The following NFE2L3 variants were observed in gnomAD, a reference collection of about 807,000 sequenced individuals.
The protein encoded by NFE2L3 is nuclear factor erythroid 2-related factor 3.
A neutral mutation model predicts 23.5 loss-of-function variants in NFE2L3; 18 were observed. The observed-to-expected ratio is 0.77, with a 90% confidence interval of 0.53 to 1.13. The LOEUF (loss-of-function observed/expected upper bound fraction) is 1.13. NFE2L3 is among the 50% of genes most tolerant of loss of function. The probability of loss-of-function intolerance (pLI) is 0.00; values close to 1 mark genes in which losing one functional copy is unlikely to be tolerated. For synonymous variants in NFE2L3, 424 were observed against 354.5 expected (o/e 1.20, Z -2.20); for missense variants, 1,152 against 877.2 (o/e 1.31, Z -3.96).
rs540866588 is a variant in NFE2L3, at chr7:26,170,399, C to G, written c.571-7544C>G. Among the ~76,000 whole-genome samples the G allele has an allele frequency of 4.6e-5, 7 of 152,260 alleles. No individual in the cohort carries two copies. In the South Asian group the frequency reaches 1.5e-3, roughly 32 times the overall value. ...CCTACTATCTTCATATTCACCCCCT[C>G]GTTTCCTATGTACGCTGATACCTGC... On this transcript the variant is annotated intron_variant, in intron 1 of 3. Coordinates refer to ENST00000056233, the MANE Select transcript of NFE2L3 (RefSeq NM_004289.7).
chr7:26,178,639 C>T (rs1358078742), intron 2 of NFE2L3, among the ~76,000 whole-genome samples: 1 of 152,186 alleles, frequency 6.6e-6, no homozygotes, highest in Non-Finnish European at 1.5e-5. Flanking sequence ...CATTGCCTAA[C>T]CTTACTCTTT....
Position 26,152,781 on chromosome 7 carries a change from G to T in NFE2L3, c.283G>T (p.Val95Leu), listed in dbSNP as rs569755743. The change falls in exon 1 of 4, where the codon GTG becomes TTG. Residue 95 changes from valine to leucine, a missense_variant. By Grantham distance (32) the Val-to-Leu change is conservative (BLOSUM62 1). Transcript: ENST00000056233. The surrounding 1 kb of genome is among the most constrained non-coding windows in gnomAD (Gnocchi z 4.4). ...GCCCGAGGGCCAGCTGCTCCGGGAG[G>T]TGCGCGCGCTCGGGGTCCCCTTCGT... ...APPEGQLLRE[V>L]RALGVPFVPR... 7 of 1,485,104 alleles carry T rather than the reference G, an allele frequency of 4.7e-6. No individual in the cohort carries two copies. In the East Asian group the frequency reaches 2.0e-4, roughly 43 times the overall value. The allele number at this position is 1,485,104 out of a possible 1,614,324, so 92.0% of individuals were successfully genotyped here. A position where few individuals can be genotyped will look rare whatever the true frequency, so the allele number is the denominator to read the frequency against.
In NFE2L3 at chr7:26,185,502, A is replaced by C. The variant is rs753922722; in HGVS notation, c.1804A>C (p.Ile602Leu). Residue 602 changes from isoleucine (I) to leucine (L), a missense_variant, in exon 4 of 4, where the codon ATA becomes CTA. By Grantham distance (5) the Ile-to-Leu change is conservative. Transcript: ENST00000056233. ...AQNCRKRKLD[I>L]ILNLEDDVCN... ...GAACTGTCGTAAACGCAAATTGGAC[A>C]TAATTTTGAATTTAGAAGATGATGT... 6.2e-7 allele frequency: 1 copy of C among 1,614,022 alleles called. No individual in the cohort carries two copies. Among genetic ancestry groups the C allele is most frequent in the South Asian group, 1.1e-5 (1 of 91,070 alleles).
intron 1 of NFE2L3, among the ~76,000 whole-genome samples, chr7:26,159,885 A>G (rs1784141370): frequency 1.3e-5 from 2 of 152,084 alleles, no homozygotes; most frequent in African/African-American, 2.4e-5. Flanking sequence ...AAAGGTAAAA[A>G]CAAAAGTCTG....
intron 1 of NFE2L3, among the ~76,000 whole-genome samples, chr7:26,166,828 C>T (rs1784258581): frequency 6.6e-6 from 1 of 152,228 alleles, no homozygotes; most frequent in Non-Finnish European, 1.5e-5. Flanking sequence ...ACCATTCTCC[C>T]TCTGACGTCA....
At chr7:26,175,853 CTTT>C (rs70943276) in intron 1 of NFE2L3, among the ~76,000 whole-genome samples, 3,512 of 111,644 alleles carry the variant, frequency 0.031, 49 homozygotes, top group Middle Eastern at 0.049. Flanking sequence ...ATTTTCTTTT[CTTT>C]TTTTTTTTTT....
chr7:26,171,899 T>G lies in NFE2L3; in HGVS notation c.571-6044T>G, dbSNP rs766452606. Among the ~76,000 whole-genome samples, 145 of 152,322 alleles carry G rather than the reference T, an allele frequency of 9.5e-4. 1 individual carries two copies. The highest frequency in any genetic ancestry group is 2.8e-3 in the Admixed American group (43 of 15,298). ...AAGATGTGAAGGGGGCAGGGTCTGA[T>G]TGTATTTTTTACTGTCGTATTCCCA... is the stretch of plus-strand genomic sequence containing the variant. On this transcript the variant is annotated intron_variant, in intron 1 of 3. Coordinates refer to ENST00000056233, the MANE Select transcript of NFE2L3 (RefSeq NM_004289.7).
At chr7:26,173,981 A>G (rs1161617814) in intron 1 of NFE2L3, 1 of 152,232 alleles carries the variant, frequency 6.6e-6, no homozygotes, top group African/African-American at 2.4e-5. Flanking sequence ...AGAGATTAAG[A>G]AAGAAAACTG....
At chr7:26,156,705 C>T (rs1784087493) in intron 1 of NFE2L3, among the ~76,000 whole-genome samples, 1 of 152,188 alleles carries the variant, frequency 6.6e-6, no homozygotes, top group Non-Finnish European at 1.5e-5. Context: ...GAGCTGTTGC[C>T]ACTTTGAAAC....
At chr7:26,155,583 C>T (rs1037407796) in intron 1 of NFE2L3, among the ~76,000 whole-genome samples, 5 of 152,280 alleles carry the variant, frequency 3.3e-5, no homozygotes, top group South Asian at 2.1e-4. Flanking sequence ...AGTACCTACA[C>T]GGTACTCAAG....
At chr7:26,178,216 A>G (rs1341774219) in intron 2 of NFE2L3, 94 bp downstream of exon 2, 5 of 1,008,232 alleles carry the variant, frequency 5.0e-6, no homozygotes, top group African/African-American at 4.9e-5. Flanking sequence ...CATGTAAAAC[A>G]GTATGCTCTA....
chr7:26,154,415 C>T (rs1784050773), intron 1 of NFE2L3, among the ~76,000 whole-genome samples: 1 of 152,188 alleles, frequency 6.6e-6, no homozygotes, highest in African/African-American at 2.4e-5. Context: ...TGGCACTCTG[C>T]CACCCACACC....
At chr7:26,176,013 C>T (rs1418776257) in intron 1 of NFE2L3, among the ~76,000 whole-genome samples, 3 of 151,552 alleles carry the variant, frequency 2.0e-5, no homozygotes, top group Non-Finnish European at 4.4e-5. Context: ...TGTGGCCTTC[C>T]GCAGTGTTTG....
intron 1 of NFE2L3, chr7:26,173,639 C>T (rs1562674094): frequency 6.6e-6 from 1 of 152,188 alleles, no homozygotes; most frequent in Non-Finnish European, 1.5e-5. Context: ...ACCTTTTCTT[C>T]CTTCCCCAGA....
intron 1 of NFE2L3, among the ~76,000 whole-genome samples, chr7:26,165,816 C>T (rs529166063): frequency 2.0e-5 from 3 of 152,216 alleles, no homozygotes; most frequent in South Asian, 4.1e-4. Flanking sequence ...GTTTGAGATA[C>T]GTCCCATCAA....
rs967092612 is a variant in NFE2L3, at chr7:26,183,896, T to C, written c.834+112T>C. The C allele has an allele frequency of 4.2e-6, 3 of 716,492 alleles. No individual in the cohort carries two copies. In the East Asian group the frequency reaches 7.7e-5, roughly 18 times the overall value. The allele number at this position is 716,492 out of a possible 1,614,324, so 44.4% of individuals were successfully genotyped here. A position where few individuals can be genotyped will look rare whatever the true frequency, so the allele number is the denominator to read the frequency against. ...CACAGCAGTTTAAAGTAATGCTTATTTTTACAGAAGCACTTCAGCTTAGAA... is the reference window on the plus strand; with the variant it reads ...CACAGCAGTTTAAAGTAATGCTTATCTTTACAGAAGCACTTCAGCTTAGAA... On this transcript the variant is annotated intron_variant, in intron 3 of 3. Transcript: ENST00000056233.
rs1358210910 is a variant in NFE2L3, at chr7:26,185,160, G to C, written c.1462G>C (p.Asp488His). The change falls in exon 4 of 4, where the codon GAT becomes CAT. Residue 488 changes from aspartate (D) to histidine (H), a missense_variant. Transcript: ENST00000056233. Reference sequence around the variant, plus strand: ...TCAAAGTGATTCTGATTTCCATGGAGATCTTACATTTCAACACGTATTTCA... The same window carrying C: ...TCAAAGTGATTCTGATTTCCATGGACATCTTACATTTCAACACGTATTTCA... ...LDQSDSDFHG[D>H]LTFQHVFHNH... 6.2e-7 allele frequency: 1 copy of C among 1,613,832 alleles called. No individual in the cohort carries two copies. The highest frequency in any genetic ancestry group is 8.5e-7 in the Non-Finnish European group (1 of 1,179,840).
At chr7:26,153,330 G>A (rs1300980799) in intron 1 of NFE2L3, among the ~76,000 whole-genome samples, 1 of 152,218 alleles carries the variant, frequency 6.6e-6, no homozygotes, top group African/African-American at 2.4e-5. Flanking sequence ...GTGTGTGATG[G>A]CTGGCAAGAG....
At chr7:26,160,124 T>G (rs1318809498) in intron 1 of NFE2L3, among the ~76,000 whole-genome samples, 1 of 152,032 alleles carries the variant, frequency 6.6e-6, no homozygotes, top group Non-Finnish European at 1.5e-5. Context: ...TGGCTAATTT[T>G]TTAAAAATTT....
Sources: gnomAD v4.1 joint callset for allele counts (sites outside exome capture counted in the v4.1 genomes callset) on GRCh38, gnomAD v4.1.1 for gene constraint, Gnocchi (gnomAD v3.1) non-coding constraint, MANE v1.5 for transcripts, NCBI Gene and HGNC (gene_info 2026-07-23, HGNC 2026-07-21) for gene names.